The following CBLC variants were observed in gnomAD, a reference collection of about 807,000 sequenced individuals.
The protein encoded by CBLC is Cbl proto-oncogene C, also known as E3 ubiquitin-protein ligase CBL-C.
Under a neutral mutation model 58.6 loss-of-function variants are expected in CBLC, and 46 were observed. That is an observed-to-expected ratio of 0.79 (90% confidence interval 0.62 to 1.00). CBLC has a LOEUF of 1.00. Ranked by LOEUF, CBLC falls within the 50% of genes least tolerant of loss-of-function variation. The probability of loss-of-function intolerance (pLI) is 0.00; values close to 1 mark genes in which losing one functional copy is unlikely to be tolerated. For missense variants in CBLC, 655 were observed against 625.8 expected, an observed-to-expected ratio of 1.05 and a Z score of -0.50; for synonymous variants, 271 against 264.2, an observed-to-expected ratio of 1.03 and a Z score of -0.25.
At chr19:44,793,158 AAAC>A (rs1401525099) in intron 7 of CBLC, among the ~76,000 whole-genome samples, 2 of 152,106 alleles carry the variant, frequency 1.3e-5, no homozygotes, top group South Asian at 2.1e-4. Context: ...TTTTTTTAAA[AAAC>A]AACAACAGCA....
chr19:44,787,009 C>T (rs1170125758), intron 5 of CBLC, among the ~76,000 whole-genome samples: 4 of 152,060 alleles, frequency 2.6e-5, no homozygotes, highest in East Asian at 1.9e-4. Context: ...TGCTTGAACC[C>T]GGGAGGTTGA....
chr19:44,782,347 A>AC (rs755455903), intron 3 of CBLC, 23 bp from the exon 4 acceptor site: 24 of 1,613,222 alleles, frequency 1.5e-5, no homozygotes, highest in Non-Finnish European at 1.9e-5. Flanking sequence ...TCGCTCCCTG[A>AC]CCCAAGCCCT....
intron 1 of CBLC, 32 bp downstream of exon 1, chr19:44,778,316 G>T: frequency 7.1e-7 from 1 of 1,400,918 alleles, no homozygotes. Flanking sequence ...AAGTCCTCTG[G>T]GGTGAGGCCC....
chr19:44,797,700 A>G (rs1203386702), intron 9 of CBLC, among the ~76,000 whole-genome samples: 2 of 148,150 alleles, frequency 1.3e-5, no homozygotes, highest in East Asian at 2.1e-4. Flanking sequence ...GGTTGCAGTG[A>G]GCCAAGATAG....
chr19:44,779,303 A>G (rs945132610), intron 1 of CBLC, among the ~76,000 whole-genome samples: 1 of 152,010 alleles, frequency 6.6e-6, no homozygotes, highest in African/African-American at 2.4e-5. Context: ...AGGTAGATGG[A>G]CACACCCAAA....
Position 44,781,289 on chromosome 19 carries a change from C to T in CBLC, c.583C>T (p.Arg195Cys), listed in dbSNP as rs372310813. 9.9e-6 allele frequency: 16 copies of T among 1,613,480 alleles called. No individual in the cohort carries two copies. Among genetic ancestry groups the T allele is most frequent in the South Asian group, 2.2e-5 (2 of 91,096 alleles). The change falls in exon 3 of 11, where the codon CGC becomes TGC. Residue 195 changes from arginine (R) to cysteine (C), a missense_variant. Transcript: ENST00000647358. ...ACCAGGCTGCACAGCCCTGGCCTTG[C>T]GCACCACCATTGACCTCACCTGCAG... The part of the protein sequence containing the change: ...VEPGCTALAL[R>C]TTIDLTCSGH...
chr19:44,800,248 G>A (rs537974510), intron 9 of CBLC, 133 bp from the exon 10 acceptor site: 25 of 642,154 alleles, frequency 3.9e-5, no homozygotes, highest in South Asian at 7.4e-5. Flanking sequence ...GGCCTCAGCC[G>A]CGCAGGAAGC....
At chr19:44,791,504 G>A (rs1356412451) in intron 6 of CBLC, among the ~76,000 whole-genome samples, 3 of 151,990 alleles carry the variant, frequency 2.0e-5, no homozygotes, top group Non-Finnish European at 2.9e-5. Context: ...AGGCCAAGGC[G>A]GGCAGATTAC....
At chr19:44,797,512 A>C (rs548353507) in intron 9 of CBLC, among the ~76,000 whole-genome samples, 1 of 150,912 alleles carries the variant, frequency 6.6e-6, no homozygotes, top group African/African-American at 2.4e-5. Context: ...CGGCCTTCTT[A>C]AGTGCTGGGA....
chr19:44,788,265 A>C (rs1967961669), intron 5 of CBLC, among the ~76,000 whole-genome samples: 1 of 149,944 alleles, frequency 6.7e-6, no homozygotes. Context: ...GACCACACGC[A>C]CATGCCACCA....
chr19:44,778,062 T>C lies in CBLC; in HGVS notation c.131T>C (p.Leu44Pro). Residue 44 changes from leucine (L) to proline (P), a missense_variant, in exon 1 of 11, where the codon CTG (leucine) becomes CCG (proline). Around this residue, in one of 3 missense-constraint regions of CBLC, gnomAD observed 280 missense variants for 237.2 expected, o/e 1.18. Transcript: ENST00000647358. ...CGGCTGTCCGTGAGTCCCCCTTCGC[T>C]GCGGGACCTGCTGCCCCGCACAGCG... ...DPRLSVSPPS[L>P]RDLLPRTAQL... 17 of 1,608,632 alleles carry C rather than the reference T, an allele frequency of 1.1e-5. No homozygotes were observed. The highest frequency in any genetic ancestry group is 1.4e-5 in the Non-Finnish European group (17 of 1,179,606).
chr19:44,779,259 A>T (rs1353194710), intron 1 of CBLC, among the ~76,000 whole-genome samples: 2 of 152,176 alleles, frequency 1.3e-5, no homozygotes, highest in Non-Finnish European at 2.9e-5. Flanking sequence ...AGGCCTCAGA[A>T]TGTGGAGACC....
intron 4 of CBLC, among the ~76,000 whole-genome samples, chr19:44,783,617 G>A (rs1470919354): frequency 6.6e-6 from 1 of 152,138 alleles, no homozygotes; most frequent in Non-Finnish European, 1.5e-5. Context: ...AAAGGTGGAG[G>A]TTGCAGTGAG....
In CBLC at chr19:44,777,952, G is replaced by A. The variant is rs747946824; in HGVS notation, c.21G>A (p.Pro7=). 6.9e-6 allele frequency: 11 copies of A among 1,598,454 alleles called. No homozygotes were observed. Among genetic ancestry groups the A allele is most frequent in the Non-Finnish European group, 9.4e-6 (11 of 1,175,644 alleles). Residue 7 remains proline, a synonymous_variant, in exon 1 of 11, where the codon CCG becomes CCA. Coordinates refer to ENST00000647358, the MANE Select transcript of CBLC (RefSeq NM_012116.4). ...CTCCCATGGCTCTGGCGGTGGCCCC[G>A]TGGGGGCGACAGTGGGAAGAGGCCC... MALAVA[P]WGRQWEEARA...
In CBLC at chr19:44,789,580, G is replaced by A. The variant is rs191056482; in HGVS notation, c.918-424G>A. ...TAATTTTTATATTTTCAGTAGAGAC[G>A]GGGTTCCACCATGTTAGCCAAGCTG... is the stretch of plus-strand genomic sequence containing the variant. On this transcript the variant is annotated intron_variant, in intron 5 of 10. Coordinates refer to ENST00000647358, the MANE Select transcript of CBLC (RefSeq NM_012116.4). Among the ~76,000 whole-genome samples the A allele has an allele frequency of 6.4e-3, 975 of 152,098 alleles. 12 individuals carry two copies. The highest frequency in any genetic ancestry group is 0.023 in the African/African-American group (937 of 41,476).
chr19:44,794,491 A>G (rs371117372), intron 9 of CBLC, among the ~76,000 whole-genome samples: 17 of 129,142 alleles, frequency 1.3e-4, no homozygotes, highest in Middle Eastern at 4.0e-3. Flanking sequence ...TTGAGACGGA[A>G]TCTTGTTCTG....
chr19:44,781,488 G>T (rs1189306536), intron 3 of CBLC, 125 bp downstream of exon 3: 2 of 964,926 alleles, frequency 2.1e-6, no homozygotes, highest in Non-Finnish European at 1.5e-6. Context: ...AGGGAGGAGG[G>T]GCCGGGGCCT....
In CBLC at chr19:44,784,958, T is replaced by TTG. The variant is rs1568558679; in HGVS notation, c.917+558_917+559insGT. ...GAACTTGCTAGACAGGTGTTTTTTT[T>TTG]TTTTTTTTTTTTTTTTTTTTTTTTT... is the stretch of plus-strand genomic sequence containing the variant. On this transcript the variant is annotated intron_variant, in intron 5 of 10. Coordinates refer to ENST00000647358, the MANE Select transcript of CBLC (RefSeq NM_012116.4). 3.0e-4 allele frequency among the ~76,000 whole-genome samples: 29 copies of TTG among 95,240 alleles called. 1 individual carries two copies. The highest frequency in any genetic ancestry group is 1.1e-3 in the East Asian group (4 of 3,544). 62.5% of individuals were successfully genotyped at this position (95,240 alleles called of 152,430 possible).
intron 9 of CBLC, among the ~76,000 whole-genome samples, chr19:44,797,399 C>T (rs1362185445): frequency 6.6e-6 from 1 of 151,668 alleles, no homozygotes; most frequent in African/African-American, 2.4e-5. Flanking sequence ...CACAGGTGCT[C>T]ACCACCATGC....
Sources: gnomAD v4.1 joint callset for allele counts (sites outside exome capture counted in the v4.1 genomes callset) on GRCh38, gnomAD v4.1.1 for gene constraint, gnomAD v4.1.1 regional missense constraint, MANE v1.5 for transcripts, NCBI Gene and HGNC (gene_info 2026-07-23, HGNC 2026-07-21) for gene names.